Variants in OSBPL1A observed in about 807,000 individuals in gnomAD.
The protein encoded by OSBPL1A is oxysterol-binding protein-related protein 1.
In OSBPL1A, 80 loss-of-function variants were observed where a neutral mutation model predicts 137.1. That is an observed-to-expected ratio of 0.58 (90% confidence interval 0.49 to 0.70). The LOEUF (loss-of-function observed/expected upper bound fraction) is 0.70, where lower values mean the gene tolerates loss of function less well. Among genes scored for constraint, OSBPL1A ranks in the 30% least tolerant of loss-of-function variants. The pLI, the probability that OSBPL1A is intolerant of heterozygous loss-of-function variation, is 0.00. For synonymous variants in OSBPL1A, 365 were observed against 389.7 expected (o/e 0.94, Z 0.75); for missense variants, 970 against 1,129.4 (o/e 0.86, Z 2.02).
At chr18:24,252,926 T>C (rs1331800537) in intron 15 of OSBPL1A, among the ~76,000 whole-genome samples, 1 of 152,040 alleles carries the variant, frequency 6.6e-6, no homozygotes, top group African/African-American at 2.4e-5. Flanking sequence ...AAGACAGTAT[T>C]TGCAAGCCTC....
chr18:24,201,453 T>G (rs577609656), intron 17 of OSBPL1A, among the ~76,000 whole-genome samples: 1 of 152,278 alleles, frequency 6.6e-6, no homozygotes, highest in Non-Finnish European at 1.5e-5. Context: ...TAAACGTTAT[T>G]TGGATGGCAG....
chr18:24,199,306 G>A (rs1197847780), intron 17 of OSBPL1A, among the ~76,000 whole-genome samples: 2 of 152,192 alleles, frequency 1.3e-5, no homozygotes, highest in East Asian at 3.9e-4. Flanking sequence ...GTGGCGAACA[G>A]TGGGCACAAG....
Position 24,225,033 on chromosome 18 carries a change from C to A in OSBPL1A, c.1601+9G>T. On this transcript the variant is annotated intron_variant, in intron 17 of 27. Transcript: ENST00000319481. The stretch of plus-strand genomic sequence containing the variant: ...ACGCAGCAGTGACAACTGTCAGAGG[C>A]GATCCTACCTGTGTTTCTTGATGCC... The A allele has an allele frequency of 6.2e-7, 1 of 1,613,952 alleles. No homozygotes were observed. The highest frequency in any genetic ancestry group is 8.5e-7 in the Non-Finnish European group (1 of 1,179,892).
At chr18:24,351,237 T>C (rs553849240) in intron 4 of OSBPL1A, among the ~76,000 whole-genome samples, 4 of 147,954 alleles carry the variant, frequency 2.7e-5, no homozygotes, top group Non-Finnish European at 5.9e-5. Context: ...TAATCCCAGC[T>C]ACACAGGAGG....
intron 26 of OSBPL1A, 59 bp downstream of exon 26, chr18:24,166,520 C>A (rs552597398): frequency 1.3e-6 from 2 of 1,557,342 alleles, no homozygotes; most frequent in African/African-American, 1.4e-5. Context: ...CAGGAATAAA[C>A]AAAGCATCAT....
chr18:24,282,693 T>A (rs1273234371), intron 14 of OSBPL1A, among the ~76,000 whole-genome samples: 1 of 152,138 alleles, frequency 6.6e-6, no homozygotes, highest in Non-Finnish European at 1.5e-5. Context: ...TTTTGTTAAT[T>A]AGACGTTAAG....
chr18:24,250,174 G>GTTTTTTT lies in OSBPL1A; in HGVS notation c.1282-10793_1282-10792insAAAAAAA, dbSNP rs1233264916. ...TGTGTTTTTGTTTGTTTGTTTGTTT[G>GTTTTTTT]TTTGTTTGTTTGTTTTTTTTGACAT... On this transcript the variant is annotated intron_variant, in intron 15 of 27. Transcript: ENST00000319481. Among the ~76,000 whole-genome samples the GTTTTTTT allele has an allele frequency of 8.4e-4, 63 of 75,304 alleles. 8 individuals carry two copies. Among genetic ancestry groups the GTTTTTTT allele is most frequent in the South Asian group, 9.8e-4 (2 of 2,034 alleles). 49.4% of individuals were successfully genotyped at this position (75,304 alleles called of 152,430 possible).
At chr18:24,321,564 C>T (rs1402769075) in intron 7 of OSBPL1A, 3 of 419,222 alleles carry the variant, frequency 7.2e-6, no homozygotes, top group Non-Finnish European at 1.4e-5. Flanking sequence ...GCTGGGATTA[C>T]AGGTGTGAGC....
chr18:24,274,607 T>C (rs1363066459), intron 15 of OSBPL1A, among the ~76,000 whole-genome samples: 1 of 151,762 alleles, frequency 6.6e-6, no homozygotes, highest in African/African-American at 2.4e-5. Context: ...GATGAAAAAA[T>C]GCTTTAGAAG....
At position 24,319,981 on chromosome 18, in the gene OSBPL1A, CA is replaced by C. The variant is rs56140141; in HGVS notation, c.626-1173del. 2.9e-3 allele frequency among the ~76,000 whole-genome samples: 221 copies of C among 77,456 alleles called. No homozygotes were observed. The Middle Eastern group carries it at 0.033, about 11-fold the overall frequency. The allele number at this position is 77,456 out of a possible 152,430, so 50.8% of individuals were successfully genotyped here. On this transcript the variant is annotated intron_variant, in intron 7 of 27. Transcript: ENST00000319481. The stretch of plus-strand genomic sequence containing the variant: ...GTAATACAGTGAGACCTTATCTCTA[CA>C]AAAAAAAAAAAAAAAAATTTAATTA...
intron 4 of OSBPL1A, among the ~76,000 whole-genome samples, chr18:24,354,719 T>C (rs1176432580): frequency 8.1e-6 from 1 of 123,810 alleles, no homozygotes; most frequent in Non-Finnish European, 1.6e-5. Flanking sequence ...GACATCAGTG[T>C]AGTACAAGGC....
chr18:24,303,111 C>A (rs761923558), intron 14 of OSBPL1A, among the ~76,000 whole-genome samples: 1 of 152,102 alleles, frequency 6.6e-6, no homozygotes, highest in African/African-American at 2.4e-5. Flanking sequence ...AGCGATTCTC[C>A]TGCCTCAGCC....
chr18:24,345,908 A>G (rs2091339084), intron 4 of OSBPL1A, among the ~76,000 whole-genome samples: 1 of 152,122 alleles, frequency 6.6e-6, no homozygotes, highest in African/African-American at 2.4e-5. Context: ...GTTCATTGCT[A>G]TACTCCCTGC....
intron 20 of OSBPL1A, chr18:24,179,091 G>C (rs1444332): frequency 0.84 from 127,325 of 152,258 alleles, 53,548 homozygotes; most frequent in Non-Finnish European, 0.88. Context: ...ATGGGTGCAA[G>C]CCCACCACTG....
intron 15 of OSBPL1A, among the ~76,000 whole-genome samples, chr18:24,276,999 C>G (rs145107997): frequency 6.6e-6 from 1 of 152,158 alleles, no homozygotes; most frequent in Non-Finnish European, 1.5e-5. Flanking sequence ...TTTTAATAAA[C>G]AGGAGATTAG....
chr18:24,370,086 G>A (rs1397474559), intron 2 of OSBPL1A, among the ~76,000 whole-genome samples: 1 of 152,188 alleles, frequency 6.6e-6, no homozygotes, highest in African/African-American at 2.4e-5. Context: ...GCCAGGCCTG[G>A]TGGTGCACAC....
intron 4 of OSBPL1A, among the ~76,000 whole-genome samples, chr18:24,365,025 C>CAAAA (rs56400717): frequency 0.016 from 1,404 of 88,620 alleles, no homozygotes; most frequent in Non-Finnish European, 0.022. Flanking sequence ...AAAACAACAA[C>CAAAA]AAAAAAAAAA....
At chr18:24,200,289 C>T (rs182446646) in intron 17 of OSBPL1A, among the ~76,000 whole-genome samples, 2 of 152,186 alleles carry the variant, frequency 1.3e-5, no homozygotes, top group Admixed American at 1.3e-4. Context: ...TCAGGCCGGG[C>T]GCCATGGCTC....
intron 15 of OSBPL1A, among the ~76,000 whole-genome samples, chr18:24,244,157 A>G (rs1324201709): frequency 2.0e-5 from 3 of 152,220 alleles, no homozygotes; most frequent in Admixed American, 1.3e-4. Context: ...AAGCTTAGAA[A>G]CTATGGTGTA....
Sources: allele counts gnomAD v4.1 joint callset (sites outside exome capture counted in the v4.1 genomes callset), GRCh38; gene constraint gnomAD v4.1.1; transcripts MANE v1.5; gene names NCBI Gene and HGNC (gene_info 2026-07-23, HGNC 2026-07-21).